Variants in IQSEC1 observed in about 807,000 individuals in gnomAD.
The protein encoded by IQSEC1 is IQ motif and Sec7 domain ArfGEF 1.
In IQSEC1, 31 loss-of-function variants were observed where a neutral mutation model predicts 91.0. That is an observed-to-expected ratio of 0.34 (90% CI 0.26 to 0.46). The LOEUF (loss-of-function observed/expected upper bound fraction) is 0.46. Ranked by LOEUF, IQSEC1 falls within the 20% of genes least tolerant of loss-of-function variation. The pLI, the probability that IQSEC1 is intolerant of heterozygous loss-of-function variation, is 1.00. For synonymous variants in IQSEC1, 699 were observed against 662.6 expected (o/e 1.05, Z -0.84); for missense variants, 1,388 against 1,575.6 (o/e 0.88, Z 2.02).
chr3:12,957,143 G>C (rs981368649), intron 1 of IQSEC1, among the ~76,000 whole-genome samples: 2 of 152,172 alleles, frequency 1.3e-5, no homozygotes, highest in African/African-American at 4.8e-5. Context: ...CCTGCATAGA[G>C]GGCTTTATGC....
intron 1 of IQSEC1, among the ~76,000 whole-genome samples, chr3:13,262,693 ATG>A (rs1238407518): frequency 1.3e-5 from 2 of 152,264 alleles, no homozygotes; most frequent in Non-Finnish European, 2.9e-5. Flanking sequence ...GGATAAACAA[ATG>A]TGGTCTGTCC....
upstream of IQSEC1, among the ~76,000 whole-genome samples, chr3:13,073,830 C>A (rs934502990): frequency 3.9e-5 from 6 of 152,226 alleles, no homozygotes; most frequent in African/African-American, 1.4e-4. Context: ...AGCCGCGTCT[C>A]TCCTGGGAGT....
rs2125305969 is a variant in IQSEC1, at chr3:12,935,753, A to G, written c.1263T>C (p.Pro421=). 6.2e-7 allele frequency: 1 copy of G among 1,608,072 alleles called. No homozygotes were observed. The highest frequency in any genetic ancestry group is 2.2e-5 in the East Asian group (1 of 44,668). The change falls in exon 3 of 14, where the codon CCT becomes CCC. Residue 421 remains proline, a synonymous_variant. Coordinates refer to ENST00000613206, the MANE Select transcript of IQSEC1 (RefSeq NM_001134382.3). This position sits in a 1 kb window ranked among gnomAD's most constrained non-coding sequence, Gnocchi z 8.0. ...GAPKSLPREE[P]ELRPRPPRPL... is the part of the protein sequence containing the mutation. ...GCCTGGGGGGCCGGGGCCGCAACTC[A>G]GGCTCCTCCCGGGGGAGGCTCTTGG...
At chr3:12,945,218 CA>C (rs1470067570) in intron 1 of IQSEC1, among the ~76,000 whole-genome samples, 1 of 152,090 alleles carries the variant, frequency 6.6e-6, no homozygotes, top group Non-Finnish European at 1.5e-5. Context: ...GATAGGATTG[CA>C]ATGGTGGTGG....
chr3:13,105,374 C>T (rs1469828213), intron 2 of IQSEC1, among the ~76,000 whole-genome samples: 5 of 152,184 alleles, frequency 3.3e-5, no homozygotes, highest in Admixed American at 3.3e-4. Context: ...CAGGGTTCTC[C>T]CGCTGTCCTC....
rs1368153348 is a variant in IQSEC1, at chr3:13,056,141, CTG to C, written c.23+16849_23+16850del. Among the ~76,000 whole-genome samples the C allele has an allele frequency of 2.6e-5, 4 of 152,354 alleles. 1 individual carries two copies. The South Asian group carries it at 6.2e-4, about 24-fold the overall frequency. ...CATGTGGCCCGGAGCCTGACCAAGC[CTG>C]TGTGTCGGTGTCCTGTGGTCCTGAG... On this transcript the variant is annotated intron_variant, in intron 1 of 13. Transcript: ENST00000613206.
chr3:12,997,765 A>G (rs1702276611), intron 1 of IQSEC1, among the ~76,000 whole-genome samples: 1 of 152,242 alleles, frequency 6.6e-6, no homozygotes, highest in African/African-American at 2.4e-5. Flanking sequence ...ACAACTCAAA[A>G]TAAAAATGTC....
intron 3 of IQSEC1, among the ~76,000 whole-genome samples, chr3:12,927,940 T>C (rs1413357694): frequency 1.3e-5 from 2 of 150,900 alleles, no homozygotes; most frequent in African/African-American, 4.9e-5. Flanking sequence ...GCGAAGGGGG[T>C]AGTGGGGCGG....
intron 1 of IQSEC1, among the ~76,000 whole-genome samples, chr3:13,055,734 A>G (rs1704852042): frequency 6.6e-6 from 1 of 152,210 alleles, no homozygotes; most frequent in Non-Finnish European, 1.5e-5. Context: ...AGCTGCCTCA[A>G]GGAAGAGGCG....
intron 1 of IQSEC1, among the ~76,000 whole-genome samples, chr3:12,944,228 C>A (rs1457413534): frequency 6.6e-6 from 1 of 152,222 alleles, no homozygotes; most frequent in Non-Finnish European, 1.5e-5. Flanking sequence ...CCCACAGCAG[C>A]CTCCTTTGGA....
chr3:13,258,529 T>G lies in IQSEC1; in HGVS notation c.272+24182A>C, dbSNP rs115903074. ...AGATCCCATCTCTAGAAAATTATTT[T>G]AAAAAAATTAGCCGGACATGGTGGT... On this transcript the variant is annotated intron_variant, in intron 1 of 15. Transcript: ENST00000648114. Among the ~76,000 whole-genome samples, 396 of 151,510 alleles carry G rather than the reference T, an allele frequency of 2.6e-3. 4 individuals are homozygous for G. Among genetic ancestry groups the G allele is most frequent in the African/African-American group, 9.2e-3 (377 of 41,198 alleles).
At chr3:13,097,661 C>T (rs1311758301) in intron 2 of IQSEC1, among the ~76,000 whole-genome samples, 2 of 152,330 alleles carry the variant, frequency 1.3e-5, no homozygotes, top group African/African-American at 4.8e-5. Context: ...ATTTCTCCAG[C>T]CATGCTTTTC....
intron 1 of IQSEC1, among the ~76,000 whole-genome samples, chr3:13,182,088 C>A (rs1693853440): frequency 6.6e-6 from 1 of 152,250 alleles, no homozygotes; most frequent in African/African-American, 2.4e-5. Context: ...AACTTATCAA[C>A]CACTCATGGT....
chr3:13,160,518 C>T (rs1295606619), intron 2 of IQSEC1, among the ~76,000 whole-genome samples: 1 of 152,164 alleles, frequency 6.6e-6, no homozygotes, highest in Non-Finnish European at 1.5e-5. Flanking sequence ...GTCATATTTT[C>T]CTTAGGCAAA....
intron 1 of IQSEC1, among the ~76,000 whole-genome samples, chr3:13,055,840 G>T (rs572698607): frequency 1.6e-4 from 25 of 152,268 alleles, no homozygotes; most frequent in African/African-American, 5.3e-4. Context: ...TGGCGGAGGG[G>T]CCCTGGGGTG....
intron 1 of IQSEC1, among the ~76,000 whole-genome samples, chr3:13,241,243 G>A (rs1433333757): frequency 6.6e-6 from 1 of 152,158 alleles, no homozygotes. Context: ...GCTGAATTCC[G>A]GGACCTTGTT....
intron 1 of IQSEC1, among the ~76,000 whole-genome samples, chr3:12,972,699 A>G (rs1239573347): frequency 6.6e-6 from 1 of 152,208 alleles, no homozygotes; most frequent in Non-Finnish European, 1.5e-5. Flanking sequence ...AGAGAGGTGG[A>G]GGGATGTGCC....
At chr3:13,215,720 G>C (rs1694531435) in intron 1 of IQSEC1, among the ~76,000 whole-genome samples, 1 of 152,212 alleles carries the variant, frequency 6.6e-6, no homozygotes, top group African/African-American at 2.4e-5. Context: ...GGCACGGGCT[G>C]GGCAGAGAGG....
At chr3:13,258,816 G>T (rs1039149327) in intron 1 of IQSEC1, among the ~76,000 whole-genome samples, 1 of 152,010 alleles carries the variant, frequency 6.6e-6, no homozygotes, top group South Asian at 2.1e-4. Context: ...TCGCACCCTC[G>T]CCCCCCTCCC....
Sources: allele counts gnomAD v4.1 joint callset (sites outside exome capture counted in the v4.1 genomes callset), GRCh38; gene constraint gnomAD v4.1.1; non-coding constraint Gnocchi (gnomAD v3.1); transcripts MANE v1.5; gene names NCBI Gene and HGNC (gene_info 2026-07-23, HGNC 2026-07-21).